SOAT1: variants seen among roughly 807,000 people sequenced by gnomAD.
The protein encoded by SOAT1 is sterol O-acyltransferase 1, also known as acyl-coenzyme A:cholesterol acyltransferase 1.
Under a neutral mutation model 69.5 loss-of-function variants are expected in SOAT1, and 55 were observed. The ratio of observed to expected loss-of-function variants is 0.79; its 90% CI spans 0.64 to 0.99. The LOEUF (loss-of-function observed/expected upper bound fraction) is 0.99. SOAT1 is among the 50% of genes least tolerant of loss of function. SOAT1 has a pLI of 0.00. For missense variants in SOAT1, 580 were observed against 669.3 expected (o/e 0.87, Z 1.47); for synonymous variants, 231 against 224.7 (o/e 1.03, Z -0.25).
At chr1:179,339,048 G>C (rs921785867) in intron 5 of SOAT1, among the ~76,000 whole-genome samples, 2 of 152,034 alleles carry the variant, frequency 1.3e-5, no homozygotes, top group Non-Finnish European at 2.9e-5. Flanking sequence ...TTTGTAAATG[G>C]TTGAGTTTTA....
chr1:179,350,389 T>G lies in SOAT1; in HGVS notation c.1408T>G (p.Phe470Val). The stretch of plus-strand genomic sequence containing the variant: ...ATATGCCTTGGCTGTTTGCTTGAGC[T>G]TTTTCTATCCCGTGCTCTTCGTGCT... Reference protein sequence around the residue: ...HEYALAVCLSFFYPVLFVLFM... With the variant: ...HEYALAVCLSVFYPVLFVLFM... The change falls in exon 14 of 16, where the codon TTT becomes GTT. Residue 470 changes from phenylalanine to valine, a missense_variant. Transcript: ENST00000367619. 1 of 1,614,100 alleles carries G rather than the reference T, an allele frequency of 6.2e-7. No homozygotes were observed. Among genetic ancestry groups the G allele is most frequent in the Non-Finnish European group, 8.5e-7 (1 of 1,180,000 alleles).
At chr1:179,323,241 T>C (rs991159536) in intron 2 of SOAT1, among the ~76,000 whole-genome samples, 196 bp from the exon 3 acceptor site, 7 of 152,218 alleles carry the variant, frequency 4.6e-5, no homozygotes, top group Non-Finnish European at 8.8e-5. Context: ...TGTGTGTACA[T>C]TTACTAGTTT....
Position 179,344,890 on chromosome 1 carries a change from TC to T in SOAT1, c.988-56del, listed in dbSNP as rs1349191219. On this transcript the variant is annotated intron_variant, in intron 10 of 15. Transcript: ENST00000367619. ...GTACTTTCTTTTGGAGAGAAAAAAA[TC>T]GCCTTCCATCTTATTAAGCCATCGT... The T allele has an allele frequency of 3.2e-6, 5 of 1,576,946 alleles. No homozygotes were observed. The African/African-American group carries it at 4.1e-5, about 13-fold the overall frequency.
intron 10 of SOAT1, among the ~76,000 whole-genome samples, 167 bp from the exon 11 acceptor site, chr1:179,344,780 G>A (rs184266239): frequency 1.3e-5 from 2 of 152,274 alleles, no homozygotes; most frequent in East Asian, 1.9e-4. Flanking sequence ...CTAGGCTTGA[G>A]TAATCTCCCT....
At chr1:179,337,732 A>G in intron 4 of SOAT1, 105 bp from the exon 5 acceptor site, 1 of 731,434 alleles carries the variant, frequency 1.4e-6, no homozygotes, top group South Asian at 2.1e-5. Flanking sequence ...GTCATTGGTC[A>G]ATTAATGTTA....
rs1046541661 is a variant in SOAT1 at position 179,306,018 on chromosome 1, A to G, written c.118+3216A>G. Among the ~76,000 whole-genome samples the G allele has an allele frequency of 1.8e-4, 27 of 152,216 alleles. 2 individuals are homozygous for G. Among genetic ancestry groups the G allele is most frequent in the Non-Finnish European group, 1.5e-5 (1 of 68,050 alleles). On this transcript the variant is annotated intron_variant, in intron 2 of 15. Coordinates refer to ENST00000367619, the MANE Select transcript of SOAT1 (RefSeq NM_003101.6). ...AGATTTTGAGTTTGGCCTTTGAGATAAGAAGACTGGGAGAGGGCTTTCAAT... is the reference window on the plus strand; with the variant it reads ...AGATTTTGAGTTTGGCCTTTGAGATGAGAAGACTGGGAGAGGGCTTTCAAT...
chr1:179,310,512 G>A (rs1665187597), intron 2 of SOAT1, among the ~76,000 whole-genome samples: 1 of 152,102 alleles, frequency 6.6e-6, no homozygotes, highest in South Asian at 2.1e-4. Context: ...ACTTTGTAAA[G>A]TTTTTGTGGT....
chr1:179,340,978 T>C (rs1221499493), intron 6 of SOAT1, 50 bp from the exon 7 acceptor site: 1 of 1,552,770 alleles, frequency 6.4e-7, no homozygotes, highest in Admixed American at 1.8e-5. Context: ...GAACTCAGTG[T>C]ATATTAAAAA....
At position 179,313,641 on chromosome 1, in the gene SOAT1, A is replaced by G. The variant is rs749496878; in HGVS notation, c.119-9796A>G. ...CTTTTGTTGCCCAGGCTGGAGTGCA[A>G]TGGTGCTATCTCTGCTCACCGCAAC... On this transcript the variant is annotated intron_variant, in intron 2 of 15. Coordinates refer to ENST00000367619, the MANE Select transcript of SOAT1 (RefSeq NM_003101.6). 2.0e-5 allele frequency among the ~76,000 whole-genome samples: 3 copies of G among 151,742 alleles called. No individual in the cohort carries two copies. In the East Asian group the frequency reaches 5.8e-4, roughly 29 times the overall value.
intron 3 of SOAT1, among the ~76,000 whole-genome samples, chr1:179,331,088 C>T (rs1385535932): frequency 6.6e-6 from 1 of 152,196 alleles, no homozygotes; most frequent in Non-Finnish European, 1.5e-5. Context: ...GGTCAAATTT[C>T]ACCTTTTTGC....
intron 3 of SOAT1, among the ~76,000 whole-genome samples, chr1:179,330,761 T>C (rs2902276): frequency 0.5 from 75,468 of 152,084 alleles, 19,712 homozygotes; most frequent in East Asian, 0.84. Flanking sequence ...TGGTCCTCCT[T>C]ATTGCCCACA....
intron 3 of SOAT1, among the ~76,000 whole-genome samples, chr1:179,332,715 A>G (rs1361746708): frequency 6.6e-6 from 1 of 152,198 alleles, no homozygotes; most frequent in Non-Finnish European, 1.5e-5. Context: ...TACTGATACC[A>G]GACATTATTC....
At position 179,344,987 on chromosome 1, in the gene SOAT1, G is replaced by C; in HGVS notation, c.1028G>C (p.Arg343Thr). 1 of 1,614,028 alleles carries C rather than the reference G, an allele frequency of 6.2e-7. No individual in the cohort carries two copies. The highest frequency in any genetic ancestry group is 8.5e-7 in the Non-Finnish European group (1 of 1,179,958). ...CFFYVYYIFE[R>T]LCAPLFRNIK... is the part of the protein sequence containing the mutation. ...TTCTATGTGTACTACATCTTTGAAA[G>C]GCTTTGTGCCCCCTTGTTTCGGAAT... is the stretch of plus-strand genomic sequence containing the variant. Residue 343 changes from arginine (R) to threonine (T), a missense_variant, in exon 11 of 16, where the codon AGG (arginine) becomes ACG (threonine). Coordinates refer to ENST00000367619, the MANE Select transcript of SOAT1 (RefSeq NM_003101.6).
chr1:179,314,951 T>C (rs1297583014), intron 2 of SOAT1, among the ~76,000 whole-genome samples: 1 of 152,180 alleles, frequency 6.6e-6, no homozygotes, highest in Non-Finnish European at 1.5e-5. Flanking sequence ...TGAATAGTTT[T>C]CCTTATGGAC....
chr1:179,305,568 A>G (rs796950341), intron 2 of SOAT1, among the ~76,000 whole-genome samples: 25 of 152,266 alleles, frequency 1.6e-4, no homozygotes, highest in African/African-American at 5.8e-4. Context: ...CTTATGGAAT[A>G]TATGTTTTCA....
chr1:179,314,976 A>C (rs149213652), intron 2 of SOAT1, among the ~76,000 whole-genome samples: 46 of 152,160 alleles, frequency 3.0e-4, no homozygotes, highest in African/African-American at 1.1e-3. Context: ...GCGGGGTTCT[A>C]TTAAGTTTCA....
intron 2 of SOAT1, among the ~76,000 whole-genome samples, chr1:179,319,048 T>C (rs1665497392): frequency 6.6e-6 from 1 of 152,142 alleles, no homozygotes; most frequent in Admixed American, 6.6e-5. Flanking sequence ...CCATTTAACA[T>C]TCCCACCAGC....
chr1:179,351,485 G>A, intron 15 of SOAT1, 23 bp downstream of exon 15: 3 of 1,609,728 alleles, frequency 1.9e-6, no homozygotes, highest in Non-Finnish European at 2.5e-6. Context: ...CCTGGTTGGA[G>A]TGCAAAAGAA....
chr1:179,351,625 G>A (rs1666737359), intron 15 of SOAT1, among the ~76,000 whole-genome samples, 163 bp downstream of exon 15: 1 of 151,332 alleles, frequency 6.6e-6, no homozygotes, highest in African/African-American at 2.4e-5. Context: ...TGATCTTATT[G>A]TACTTGAAGT....
Sources: gnomAD v4.1 joint callset for allele counts (sites outside exome capture counted in the v4.1 genomes callset) on GRCh38, gnomAD v4.1.1 for gene constraint, MANE v1.5 for transcripts, NCBI Gene and HGNC (gene_info 2026-07-23, HGNC 2026-07-21) for gene names.